The following OR9Q1 variants were observed in gnomAD, a reference collection of about 807,000 sequenced individuals.
OR9Q1 encodes the protein olfactory receptor 9Q1.
For synonymous variants in OR9Q1, 153 were observed against 148.6 expected (o/e 1.03, Z -0.22); for missense variants, 374 against 378.8 (o/e 0.99, Z 0.11).
chr11:58,048,375 A>G (rs1443122518), intron 1 of OR9Q1, among the ~76,000 whole-genome samples: 2 of 152,096 alleles, frequency 1.3e-5, no homozygotes, highest in Admixed American at 6.6e-5. Context: ...GATTATTTCA[A>G]TATATCAATT....
At chr11:58,097,376 G>T (rs895150018) in intron 2 of OR9Q1, among the ~76,000 whole-genome samples, 6 of 152,128 alleles carry the variant, frequency 3.9e-5, no homozygotes, top group Admixed American at 6.6e-5. Flanking sequence ...AATTACTGGG[G>T]CATAGGTTAG....
intron 1 of OR9Q1, among the ~76,000 whole-genome samples, chr11:58,025,607 G>A (rs1429798373): frequency 1.3e-5 from 2 of 152,278 alleles, no homozygotes; most frequent in Admixed American, 6.5e-5. Context: ...TGGAACTCTC[G>A]CTCAGAAAGA....
intron 2 of OR9Q1, among the ~76,000 whole-genome samples, chr11:58,072,100 T>G (rs1364281799): frequency 1.3e-5 from 2 of 152,192 alleles, no homozygotes; most frequent in Non-Finnish European, 2.9e-5. Flanking sequence ...AGGTTAATTG[T>G]AAAAATATAA....
intron 2 of OR9Q1, among the ~76,000 whole-genome samples, chr11:58,139,224 T>G (rs536930389): frequency 8.2e-4 from 124 of 152,064 alleles, no homozygotes; most frequent in African/African-American, 2.8e-3. Flanking sequence ...AGGATAATCT[T>G]ATATACAGGG....
At chr11:58,031,854 T>C in intron 1 of OR9Q1, 1 of 1,614,078 alleles carries the variant, frequency 6.2e-7, no homozygotes, top group Non-Finnish European at 8.5e-7. Context: ...AACAAGGAAG[T>C]GAAGGGAGCT....
At chr11:58,060,384 G>A (rs1456608811) in intron 2 of OR9Q1, among the ~76,000 whole-genome samples, 1 of 152,140 alleles carries the variant, frequency 6.6e-6, no homozygotes, top group Non-Finnish European at 1.5e-5. Flanking sequence ...CACAAGTAAA[G>A]CAAAATAACA....
chr11:58,131,753 T>C (rs1854143594), intron 2 of OR9Q1, among the ~76,000 whole-genome samples: 1 of 152,140 alleles, frequency 6.6e-6, no homozygotes, highest in Non-Finnish European at 1.5e-5. Flanking sequence ...TGGTGTTCAA[T>C]GCCCCCAACA....
chr11:58,170,727 C>G (rs775518298), intron 2 of OR9Q1, among the ~76,000 whole-genome samples: 1 of 152,140 alleles, frequency 6.6e-6, no homozygotes, highest in Non-Finnish European at 1.5e-5. Context: ...GCTTGGTTCT[C>G]ATTCTCTCTC....
At chr11:58,118,524 T>A (rs572249317) in intron 2 of OR9Q1, 2 of 1,605,606 alleles carry the variant, frequency 1.2e-6, no homozygotes, top group South Asian at 2.2e-5. Flanking sequence ...ACACCTGGAG[T>A]CTCCTAGCGA....
intron 2 of OR9Q1, among the ~76,000 whole-genome samples, chr11:58,165,589 A>G (rs2119935395): frequency 6.6e-6 from 1 of 152,244 alleles, no homozygotes; most frequent in South Asian, 2.1e-4. Context: ...TGTTTTCCCC[A>G]ATGGGCCTTA....
Position 58,119,591 on chromosome 11 carries a change from C to T in OR9Q1, c.-14-59840C>T, listed in dbSNP as rs77517510. 8.2e-3 allele frequency: 4,874 copies of T among 596,778 alleles called. 101 individuals are homozygous for T. Among genetic ancestry groups the T allele is most frequent in the Admixed American group, 0.055 (1,741 of 31,586 alleles). 37.0% of individuals were successfully genotyped at this position (596,778 alleles called of 1,614,324 possible). A position where few individuals can be genotyped will look rare whatever the true frequency, so the allele number is the denominator to read the frequency against. On this transcript the variant is annotated intron_variant, in intron 2 of 2. Coordinates refer to ENST00000335397, the MANE Select transcript of OR9Q1 (RefSeq NM_001005212.4). The stretch of plus-strand genomic sequence containing the variant: ...AGTTTGTTTTTAAGAAATTCTGAAA[C>T]TGGCTGATTTTCCTTGGGCATCTCT...
At chr11:58,108,766 G>C in intron 2 of OR9Q1, 1 of 212,850 alleles carries the variant, frequency 4.7e-6, no homozygotes, top group Admixed American at 5.3e-5. Flanking sequence ...TCCAAATGCA[G>C]CTTTTACATC....
intron 2 of OR9Q1, among the ~76,000 whole-genome samples, chr11:58,152,941 G>A (rs1854368408): frequency 6.6e-6 from 1 of 152,218 alleles, no homozygotes; most frequent in South Asian, 2.1e-4. Flanking sequence ...TCTGGAATCC[G>A]AGCTCCAGGA....
intron 2 of OR9Q1, among the ~76,000 whole-genome samples, chr11:58,071,882 T>C (rs948494919): frequency 6.6e-6 from 1 of 152,188 alleles, no homozygotes; most frequent in Non-Finnish European, 1.5e-5. Flanking sequence ...GCAGAGATGT[T>C]TAAAATGTCA....
At chr11:58,152,689 C>T (rs1285965355) in intron 2 of OR9Q1, among the ~76,000 whole-genome samples, 1 of 151,982 alleles carries the variant, frequency 6.6e-6, no homozygotes, top group Non-Finnish European at 1.5e-5. Flanking sequence ...CTTTTAGGCT[C>T]CAAAAATGTT....
chr11:58,073,967 G>T (rs570565527), intron 2 of OR9Q1, among the ~76,000 whole-genome samples: 2 of 152,078 alleles, frequency 1.3e-5, no homozygotes, highest in East Asian at 1.9e-4. Context: ...CCATGTCCTC[G>T]CAAAGGACAT....
chr11:58,161,192 T>C (rs1383307535), intron 2 of OR9Q1, among the ~76,000 whole-genome samples: 1 of 149,616 alleles, frequency 6.7e-6, no homozygotes, highest in Non-Finnish European at 1.5e-5. Flanking sequence ...TGTATACCTA[T>C]GTAACAAACC....
intron 1 of OR9Q1, among the ~76,000 whole-genome samples, chr11:58,032,454 A>T (rs1367114100): frequency 6.6e-6 from 1 of 152,222 alleles, no homozygotes; most frequent in Non-Finnish European, 1.5e-5. Context: ...AAAACCCAGA[A>T]ATAAAACTGT....
At chr11:58,034,049 C>T (rs1465361960) in intron 1 of OR9Q1, among the ~76,000 whole-genome samples, 1 of 142,828 alleles carries the variant, frequency 7.0e-6, no homozygotes, top group Non-Finnish European at 1.5e-5. Context: ...GAAAGTTCTG[C>T]TGGCCAAATC....
Sources: gnomAD v4.1 joint callset for allele counts (sites outside exome capture counted in the v4.1 genomes callset) on GRCh38, gnomAD v4.1.1 for gene constraint, MANE v1.5 for transcripts, NCBI Gene and HGNC (gene_info 2026-07-23, HGNC 2026-07-21) for gene names.